The following BOC variants were observed in gnomAD, a reference collection of about 807,000 sequenced individuals.
BOC encodes the protein BOC cell adhesion associated, oncogene regulated.
A neutral mutation model predicts 112.0 loss-of-function variants in BOC; 76 were observed. The observed-to-expected ratio is 0.68, with a 90% CI of 0.56 to 0.82. The LOEUF (loss-of-function observed/expected upper bound fraction) is 0.82, where lower values mean the gene tolerates loss of function less well. Ranked by LOEUF, BOC falls within the 40% of genes least tolerant of loss-of-function variation. BOC has a pLI of 0.00. For synonymous variants in BOC, 580 were observed against 599.8 expected, an observed-to-expected ratio of 0.97 and a Z score of 0.48; for missense variants, 1,309 against 1,511.7, an observed-to-expected ratio of 0.87 and a Z score of 2.22.
upstream of BOC, chr3:113,211,068 T>C (rs1938089584): frequency 6.6e-6 from 1 of 152,238 alleles, no homozygotes; most frequent in Admixed American, 6.5e-5. Context: ...CTTATCATTT[T>C]CTCCACCGCC....
At chr3:113,282,975 G>A (rs1284244033) in intron 15 of BOC, among the ~76,000 whole-genome samples, 1 of 152,168 alleles carries the variant, frequency 6.6e-6, no homozygotes, top group East Asian at 1.9e-4. Flanking sequence ...TGTGATCCAT[G>A]CTAATACCTA....
chr3:113,220,076 A>T (rs77597875), intron 2 of BOC, among the ~76,000 whole-genome samples: 12,014 of 152,148 alleles, frequency 0.079, 1,221 homozygotes, highest in African/African-American at 0.24. Flanking sequence ...TTTACTGGTC[A>T]GGAGAAGTGG....
In BOC at chr3:113,284,383, GC is replaced by G. The variant is rs1949477792; in HGVS notation, c.2708del (p.Pro903ArgfsTer35). On this transcript the variant is annotated frameshift_variant, in exon 17 of 20. Coordinates refer to ENST00000682979, the MANE Select transcript of BOC (RefSeq NM_001378074.1). LOFTEE classifies it high-confidence loss of function. Reference protein sequence around the residue: ...GFPRSALPPSCPYTMVPLGGL... With the variant: ...GFPRSALPPSXPYTMVPLGGL... ...CCTCGAAGTGCCCTTCCACCCTCCT[GC>G]CCGTATACTATGGTGCCATTGGGAG... The G allele has an allele frequency of 1.2e-6, 2 of 1,614,166 alleles. No homozygotes were observed. Among genetic ancestry groups the G allele is most frequent in the Non-Finnish European group, 1.7e-6 (2 of 1,180,024 alleles).
At chr3:113,251,714 A>G (rs1292544221) in intron 4 of BOC, 1 of 152,212 alleles carries the variant, frequency 6.6e-6, no homozygotes, top group Non-Finnish European at 1.5e-5. Flanking sequence ...GGTCCCTCCC[A>G]ACTGAATAAT....
chr3:113,227,428 G>C lies in BOC; in HGVS notation c.-82+11154G>C, dbSNP rs573946364. The stretch of plus-strand genomic sequence containing the variant: ...TGGATAGGGAAGCCCCAGAAAGATG[G>C]AAGTGGGGAAGAGCCAGATGGCTCC... On this transcript the variant is annotated intron_variant, in intron 2 of 19. Transcript: ENST00000682979. Among the ~76,000 whole-genome samples, 4 of 152,342 alleles carry C rather than the reference G, an allele frequency of 2.6e-5. No homozygotes were observed. In the East Asian group the frequency reaches 5.8e-4, roughly 22 times the overall value.
At chr3:113,246,381 T>C (rs1944922629) in intron 2 of BOC, among the ~76,000 whole-genome samples, 1 of 152,206 alleles carries the variant, frequency 6.6e-6, no homozygotes, top group African/African-American at 2.4e-5. Flanking sequence ...GGCCTTACTG[T>C]TGCCTTCACC....
chr3:113,276,928 C>T (rs1210209418), intron 9 of BOC, among the ~76,000 whole-genome samples: 1 of 152,212 alleles, frequency 6.6e-6, no homozygotes, highest in African/African-American at 2.4e-5. Flanking sequence ...GAGGCTCCAG[C>T]AGGTTCTCTG....
In BOC at chr3:113,284,530, T is replaced by G; in HGVS notation, c.2852T>G (p.Met951Arg). ...TCGGCTGCAGTGGGCTACCCGGGCA[T>G]GAAGCCCCAGCAGCACTGCCCAGGC... Reference protein sequence around the residue: ...CPSAAVGYPGMKPQQHCPGEL... With the variant: ...CPSAAVGYPGRKPQQHCPGEL... The change falls in exon 17 of 20, where the codon ATG (methionine) becomes AGG (arginine). Residue 951 changes from methionine (M) to arginine (R), a missense_variant. Met to Arg is a moderately conservative substitution (Grantham distance 91). Coordinates refer to ENST00000682979, the MANE Select transcript of BOC (RefSeq NM_001378074.1). 6.2e-7 allele frequency: 1 copy of G among 1,613,876 alleles called. No homozygotes were observed. Among genetic ancestry groups the G allele is most frequent in the South Asian group, 1.1e-5 (1 of 91,054 alleles).
At chr3:113,286,461 G>T (rs1204720273) in intron 19 of BOC, among the ~76,000 whole-genome samples, 1 of 152,154 alleles carries the variant, frequency 6.6e-6, no homozygotes, top group Non-Finnish European at 1.5e-5. Flanking sequence ...TACAGTCCCA[G>T]CATGAGTGGG....
At position 113,279,913 on chromosome 3, in the gene BOC, T is replaced by C. The variant is rs1949033952; in HGVS notation, c.2113T>C (p.Tyr705His). The C allele has an allele frequency of 6.2e-7, 1 of 1,613,936 alleles. No individual in the cohort carries two copies. The highest frequency in any genetic ancestry group is 8.5e-7 in the Non-Finnish European group (1 of 1,180,008). The change falls in exon 13 of 20, where the codon TAC becomes CAC. Residue 705 changes from tyrosine to histidine, a missense_variant. Coordinates refer to ENST00000682979, the MANE Select transcript of BOC (RefSeq NM_001378074.1). The part of the protein sequence containing the change: ...APSRPYVVSG[Y>H]SGRVYERPVA... ...CTCTCGGCCCTACGTGGTGTCGGGC[T>C]ACAGCGGTCGCGTGTACGAGAGGCC...
intron 2 of BOC, among the ~76,000 whole-genome samples, chr3:113,248,368 CT>C (rs905591127): frequency 6.6e-6 from 1 of 152,236 alleles, no homozygotes; most frequent in African/African-American, 2.4e-5. Context: ...AGTTGAGAAG[CT>C]TAACTACTTC....
At chr3:113,266,305 T>A (rs901779215) in intron 4 of BOC, among the ~76,000 whole-genome samples, 1 of 152,218 alleles carries the variant, frequency 6.6e-6, no homozygotes, top group Non-Finnish European at 1.5e-5. Flanking sequence ...AATAAGCACA[T>A]CATGGAGAAT....
chr3:113,280,904 C>T (rs967668195), intron 14 of BOC, 127 bp from the exon 15 acceptor site: 16 of 1,314,094 alleles, frequency 1.2e-5, no homozygotes, highest in African/African-American at 5.8e-5. Context: ...TTCCTCCACA[C>T]GCCGCCCCTG....
intron 7 of BOC, 89 bp from the exon 8 acceptor site, chr3:113,272,980 G>T: frequency 6.8e-7 from 1 of 1,473,832 alleles, no homozygotes; most frequent in Non-Finnish European, 9.2e-7. Flanking sequence ...AAGGGCAGGG[G>T]AGCTGCTCCT....
intron 2 of BOC, among the ~76,000 whole-genome samples, chr3:113,238,298 G>A (rs1207921956): frequency 6.6e-6 from 1 of 152,234 alleles, no homozygotes; most frequent in African/African-American, 2.4e-5. Context: ...AAAAAGCCTG[G>A]AAGGCTTTGC....
At chr3:113,265,417 G>C (rs1232194729) in intron 4 of BOC, among the ~76,000 whole-genome samples, 1 of 151,928 alleles carries the variant, frequency 6.6e-6, no homozygotes, top group Non-Finnish European at 1.5e-5. Flanking sequence ...CCATGGAGGA[G>C]AGTGCTTCAC....
chr3:113,280,083 C>G, intron 13 of BOC, 78 bp downstream of exon 13: 1 of 1,405,110 alleles, frequency 7.1e-7, no homozygotes. Flanking sequence ...GGGGATTAGA[C>G]TCCCCCGAAC....
chr3:113,233,915 G>T (rs1943069556), intron 2 of BOC, among the ~76,000 whole-genome samples: 1 of 151,892 alleles, frequency 6.6e-6, no homozygotes, highest in Non-Finnish European at 1.5e-5. Flanking sequence ...ATAGGAACGG[G>T]AATATCAGAC....
chr3:113,243,379 C>T (rs1944538800), intron 2 of BOC, among the ~76,000 whole-genome samples: 1 of 152,174 alleles, frequency 6.6e-6, no homozygotes, highest in Non-Finnish European at 1.5e-5. Flanking sequence ...ACACCCATAT[C>T]ATTAGTGATG....
Sources: allele counts gnomAD v4.1 joint callset (sites outside exome capture counted in the v4.1 genomes callset), GRCh38; gene constraint gnomAD v4.1.1; transcripts MANE v1.5; gene names NCBI Gene and HGNC (gene_info 2026-07-23, HGNC 2026-07-21).